Variants in RABEP1 observed in about 807,000 individuals in gnomAD.
RABEP1 encodes rab GTPase-binding effector protein 1.
In RABEP1, 51 loss-of-function variants were observed where a neutral mutation model predicts 123.4. That is an observed-to-expected ratio of 0.41 (90% CI 0.33 to 0.52). The LOEUF (loss-of-function observed/expected upper bound fraction) is 0.52, where lower values mean the gene tolerates loss of function less well. RABEP1 is among the 20% of genes least tolerant of loss of function. RABEP1 has a pLI of 0.16. For missense variants in RABEP1, 888 were observed against 996.3 expected (o/e 0.89, Z 1.46); for synonymous variants, 347 against 355.2 (o/e 0.98, Z 0.26).
At chr17:5,297,876 A>G (rs953428907) in intron 1 of RABEP1, among the ~76,000 whole-genome samples, 1 of 152,220 alleles carries the variant, frequency 6.6e-6, no homozygotes, top group Non-Finnish European at 1.5e-5. Flanking sequence ...TAAATAGGCA[A>G]TGGATACTTG....
intron 2 of RABEP1, among the ~76,000 whole-genome samples, chr17:5,327,373 C>T (rs1054811385): frequency 6.7e-6 from 1 of 148,574 alleles, no homozygotes; most frequent in African/African-American, 2.5e-5. Context: ...CCCCAAAAAA[C>T]AAACAAAACC....
At chr17:5,328,753 C>T (rs942889614) in intron 2 of RABEP1, among the ~76,000 whole-genome samples, 1 of 149,422 alleles carries the variant, frequency 6.7e-6, no homozygotes, top group Non-Finnish European at 1.5e-5. Context: ...GAGTTCAAGA[C>T]CAGCCAGGCC....
intron 1 of RABEP1, among the ~76,000 whole-genome samples, chr17:5,282,866 G>T (rs1270462004): frequency 1.3e-5 from 2 of 151,996 alleles, no homozygotes; most frequent in East Asian, 3.9e-4. Context: ...GATGGAAATC[G>T]GGAACATGTG....
chr17:5,304,135 C>T (rs562432328), intron 1 of RABEP1, among the ~76,000 whole-genome samples: 12 of 152,016 alleles, frequency 7.9e-5, no homozygotes, highest in African/African-American at 2.7e-4. Context: ...TAAGTTATTG[C>T]GTGTTCTCTT....
At chr17:5,306,206 A>T (rs973988799) in intron 1 of RABEP1, among the ~76,000 whole-genome samples, 65 of 151,882 alleles carry the variant, frequency 4.3e-4, no homozygotes, top group Admixed American at 9.9e-4. Flanking sequence ...GCTGGGCAAA[A>T]TCTTCTAACA....
intron 2 of RABEP1, among the ~76,000 whole-genome samples, chr17:5,328,181 C>A (rs1198232081): frequency 6.6e-6 from 1 of 152,068 alleles, no homozygotes; most frequent in Admixed American, 6.6e-5. Flanking sequence ...ACAGTTGTTA[C>A]CTCAGAGGAA....
chr17:5,360,967 T>C (rs1909467634), intron 8 of RABEP1: 1 of 494,648 alleles, frequency 2.0e-6, no homozygotes, highest in Non-Finnish European at 3.6e-6. Flanking sequence ...TATCTTTTTT[T>C]TTTTTGAAGC....
At position 5,373,269 on chromosome 17, in the gene RABEP1, C is replaced by T. The variant is rs189106191; in HGVS notation, c.1885-45C>T. 2.6e-4 allele frequency: 413 copies of T among 1,582,118 alleles called. 1 individual carries two copies. Among genetic ancestry groups the T allele is most frequent in the South Asian group, 3.9e-4 (34 of 86,186 alleles). On this transcript the variant is annotated intron_variant, in intron 12 of 17. Coordinates refer to ENST00000537505, the MANE Select transcript of RABEP1 (RefSeq NM_004703.6). ...TTCTCTGGTGTAGCTATCACCAGAC[C>T]GGATCTACCTTTCTGGCTGTGATTA...
chr17:5,371,043 T>G (rs1379827668), intron 12 of RABEP1, among the ~76,000 whole-genome samples: 1 of 152,046 alleles, frequency 6.6e-6, no homozygotes, highest in African/African-American at 2.4e-5. Flanking sequence ...CTCGGCTCAC[T>G]GCAAGCTCCG....
At position 5,358,552 on chromosome 17, in the gene RABEP1, C is replaced by T. The variant is rs367641276; in HGVS notation, c.1096-2656C>T. Among the ~76,000 whole-genome samples, 51 of 152,178 alleles carry T rather than the reference C, an allele frequency of 3.4e-4. 1 individual carries two copies. The South Asian group carries it at 4.8e-3, about 14-fold the overall frequency. On this transcript the variant is annotated intron_variant, in intron 8 of 17. Coordinates refer to ENST00000537505, the MANE Select transcript of RABEP1 (RefSeq NM_004703.6). ...GTGCATGGTGTCTGGCGCCTGTCGTCCCAGCTACTCACTGTGGCTGAGGCA... is the reference window on the plus strand; with the variant it reads ...GTGCATGGTGTCTGGCGCCTGTCGTTCCAGCTACTCACTGTGGCTGAGGCA...
chr17:5,343,679 T>C (rs1354886597), intron 5 of RABEP1, among the ~76,000 whole-genome samples: 4 of 142,140 alleles, frequency 2.8e-5, no homozygotes, highest in Admixed American at 6.9e-5. Flanking sequence ...TCTTTTTTTT[T>C]TTTTTTTTTT....
At chr17:5,300,855 A>G (rs964006537) in intron 1 of RABEP1, among the ~76,000 whole-genome samples, 5 of 152,132 alleles carry the variant, frequency 3.3e-5, no homozygotes, top group Admixed American at 6.6e-5. Flanking sequence ...AGTCATTGGG[A>G]GGGCAAGGGA....
intron 11 of RABEP1, among the ~76,000 whole-genome samples, chr17:5,365,477 T>C (rs1909931825): frequency 6.6e-6 from 1 of 152,200 alleles, no homozygotes; most frequent in African/African-American, 2.4e-5. Context: ...TTTCCTTTAT[T>C]TGTATTAGTT....
At chr17:5,377,499 G>A (rs886373989) in intron 14 of RABEP1, among the ~76,000 whole-genome samples, 194 bp downstream of exon 14, 6 of 148,716 alleles carry the variant, frequency 4.0e-5, no homozygotes, top group Non-Finnish European at 8.9e-5. Flanking sequence ...CAAATAATCA[G>A]AAATTCTGGT....
rs775469955 is a variant in RABEP1 at position 5,386,295 on chromosome 17, T to C, written c.*3072T>C. ...CTGTAAAATTGTAAAGTCACTCACT[T>C]TTGGAATTATAATAAACCATTTATA... On this transcript the variant is annotated 3_prime_UTR_variant, in exon 18 of 18. Transcript: ENST00000537505. The C allele has an allele frequency of 1.3e-6, 2 of 1,544,806 alleles. No individual in the cohort carries two copies. Among genetic ancestry groups the C allele is most frequent in the Non-Finnish European group, 1.8e-6 (2 of 1,126,312 alleles).
intron 1 of RABEP1, among the ~76,000 whole-genome samples, chr17:5,304,826 C>T (rs1414939848): frequency 6.6e-6 from 1 of 152,146 alleles, no homozygotes; most frequent in African/African-American, 2.4e-5. Context: ...AGCTGGAAGT[C>T]TCAGCATGGA....
chr17:5,327,462 G>T (rs540622427), intron 2 of RABEP1, among the ~76,000 whole-genome samples: 109 of 152,102 alleles, frequency 7.2e-4, no homozygotes, highest in Non-Finnish European at 1.3e-3. Context: ...TAGGCAGTAA[G>T]AATTTTTCAG....
At chr17:5,310,301 C>CGTTTTTTTT (rs2075224343) in intron 2 of RABEP1, among the ~76,000 whole-genome samples, 1 of 126,438 alleles carries the variant, frequency 7.9e-6, no homozygotes, top group African/African-American at 3.1e-5. Flanking sequence ...AAGCTTCGTC[C>CGTTTTTTTT]TTTTTTTTTT....
At chr17:5,299,130 G>A (rs779520803) in intron 1 of RABEP1, among the ~76,000 whole-genome samples, 1 of 152,114 alleles carries the variant, frequency 6.6e-6, no homozygotes, top group African/African-American at 2.4e-5. Context: ...GTGTGGAGGG[G>A]GTGTGGTGGG....
Sources: gnomAD v4.1 joint callset for allele counts (sites outside exome capture counted in the v4.1 genomes callset) on GRCh38, gnomAD v4.1.1 for gene constraint, MANE v1.5 for transcripts, NCBI Gene and HGNC (gene_info 2026-07-23, HGNC 2026-07-21) for gene names.